ZNF782: variants seen among roughly 807,000 people sequenced by gnomAD.
The protein encoded by ZNF782 is zinc finger protein 782.
In ZNF782, 12 loss-of-function variants were observed where a neutral mutation model predicts 13.0. The ratio of observed to expected loss-of-function variants is 0.92; its 90% CI spans 0.59 to 1.50. ZNF782 has a LOEUF of 1.50. Ranked by LOEUF, ZNF782 falls within the 40% of genes most tolerant of loss-of-function variation. The pLI is 0.00. For missense variants in ZNF782, 770 were observed against 822.9 expected (o/e 0.94, Z 0.79); for synonymous variants, 284 against 283.0 (o/e 1.00, Z -0.04).
At chr9:96,911,510 G>GTTTTTTTTT in the ZNF782 span, among the ~76,000 whole-genome samples, 9 of 109,674 alleles carry the variant, frequency 8.2e-5, no homozygotes, top group East Asian at 2.6e-3. Context: ...TTTTTTTTTT[G>GTTTTTTTTT]TTTTTGTTTT....
chr9:96,888,893 G>C, the ZNF782 span: 1 of 152,316 alleles, frequency 6.6e-6, no homozygotes, highest in East Asian at 1.9e-4. Flanking sequence ...CCCACAACTG[G>C]GGAACACATA....
At chr9:96,873,091 T>A (rs78378033) in intron 1 of ZNF782, among the ~76,000 whole-genome samples, 2 of 150,960 alleles carry the variant, frequency 1.3e-5, no homozygotes, top group East Asian at 1.9e-4. Flanking sequence ...TTTTTTTTTT[T>A]AGAACTAAGA....
intron 2 of ZNF782, among the ~76,000 whole-genome samples, chr9:96,852,357 C>G (rs1395707474): frequency 6.6e-6 from 1 of 152,152 alleles, no homozygotes; most frequent in Non-Finnish European, 1.5e-5. Flanking sequence ...TAAAATTAAC[C>G]TAGCAGGTAC....
intron 5 of ZNF782, 99 bp from the exon 6 acceptor site, chr9:96,819,877 C>G: frequency 2.1e-6 from 2 of 967,646 alleles, no homozygotes; most frequent in Non-Finnish European, 1.4e-6. Flanking sequence ...TATTTGATTC[C>G]TTAGTTTCTG....
chr9:96,818,130 T>C lies in ZNF782; in HGVS notation c.1893A>G (p.Ser631=). The stretch of plus-strand genomic sequence containing the variant: ...GAGTTCGCTGATGTTTTCTTAGGAC[T>C]GACTTCTCACTGAAAGCTTTTCCAC... ...NECGKAFSEK[S]VLRKHQRTHT... The change falls in exon 6 of 6, where the codon TCA becomes TCG. Residue 631 remains serine (S), a synonymous_variant. Coordinates refer to ENST00000481138, the MANE Select transcript of ZNF782 (RefSeq NM_001001662.3). The C allele has an allele frequency of 1.2e-6, 2 of 1,614,086 alleles. No homozygotes were observed. The highest frequency in any genetic ancestry group is 2.2e-5 in the South Asian group (2 of 91,076).
At chr9:96,879,068 ATATTCATTC>A (rs1244623409), upstream of ZNF782, among the ~76,000 whole-genome samples, 2 of 152,266 alleles carry the variant, frequency 1.3e-5, no homozygotes, top group East Asian at 3.8e-4. Flanking sequence ...GTCCAAACAT[ATATTCATTC>A]AACAGACACT....
the ZNF782 span, among the ~76,000 whole-genome samples, chr9:96,917,836 G>C: frequency 6.6e-6 from 1 of 150,500 alleles, no homozygotes; most frequent in Non-Finnish European, 1.5e-5. Flanking sequence ...CAATCCTCCT[G>C]CCTCAGCTTC....
In ZNF782 at chr9:96,848,568, A is replaced by C. The variant is rs57364635; in HGVS notation, c.15+3379T>G. 0.021 allele frequency among the ~76,000 whole-genome samples: 3,138 copies of C among 152,268 alleles called. 179 individuals are homozygous for C. The East Asian group carries it at 0.24, about 11-fold the overall frequency. Reference sequence around the variant, plus strand: ...ACTCAATTTCTTTTACAACAGCTGCAAAAACAAAATAACACCACCACCACC... The same window carrying C: ...ACTCAATTTCTTTTACAACAGCTGCCAAAACAAAATAACACCACCACCACC... On this transcript the variant is annotated intron_variant, in intron 3 of 5. Coordinates refer to ENST00000481138, the MANE Select transcript of ZNF782 (RefSeq NM_001001662.3).
chr9:96,912,322 C>T, the ZNF782 span, among the ~76,000 whole-genome samples: 8 of 144,258 alleles, frequency 5.5e-5, no homozygotes, highest in East Asian at 2.0e-4. Flanking sequence ...GTCGGGAGTT[C>T]GAGACCAGCC....
At chr9:96,835,059 G>GA (rs1850944874) in intron 4 of ZNF782, among the ~76,000 whole-genome samples, 1 of 152,152 alleles carries the variant, frequency 6.6e-6, no homozygotes, top group Non-Finnish European at 1.5e-5. Context: ...TTAGGAACTG[G>GA]AAAAAAGGCC....
the ZNF782 span, among the ~76,000 whole-genome samples, chr9:96,922,588 C>T: frequency 8.5e-5 from 13 of 152,412 alleles, no homozygotes; most frequent in East Asian, 1.3e-3. Flanking sequence ...CTGGATAACA[C>T]GGTGAAACCT....
intron 1 of ZNF782, chr9:96,875,443 G>C: frequency 2.2e-6 from 1 of 456,600 alleles, no homozygotes; most frequent in Non-Finnish European, 4.4e-6. Flanking sequence ...CTCTTACCCG[G>C]TTCCCGCCCT....
At chr9:96,884,924 G>GA in the ZNF782 span, among the ~76,000 whole-genome samples, 19 of 151,060 alleles carry the variant, frequency 1.3e-4, no homozygotes, top group African/African-American at 3.2e-4. Flanking sequence ...ACAGAAATGA[G>GA]AAAAAAAATA....
intron 4 of ZNF782, among the ~76,000 whole-genome samples, chr9:96,835,067 G>A (rs377060553): frequency 6.6e-5 from 10 of 152,342 alleles, no homozygotes; most frequent in African/African-American, 2.4e-4. Flanking sequence ...TGGAAAAAAG[G>A]CCATCCTTTT....
chr9:96,885,371 CAATAG>C, the ZNF782 span, among the ~76,000 whole-genome samples: 4 of 151,914 alleles, frequency 2.6e-5, no homozygotes, highest in South Asian at 8.3e-4. Context: ...TGGATATGCT[CAATAG>C]TATAGTGGAC....
the ZNF782 span, among the ~76,000 whole-genome samples, chr9:96,926,820 G>GCTT: frequency 4.1e-3 from 624 of 152,290 alleles, 2 homozygotes; most frequent in African/African-American, 0.014. Context: ...AGGGGCAAAT[G>GCTT]CTTCTTAAGT....
chr9:96,916,671 G>A, the ZNF782 span, among the ~76,000 whole-genome samples: 3 of 152,004 alleles, frequency 2.0e-5, no homozygotes, highest in Admixed American at 1.3e-4. Context: ...AGATGCCTGC[G>A]GTGTGCAGCG....
chr9:96,902,190 T>G, the ZNF782 span, among the ~76,000 whole-genome samples: 1 of 151,870 alleles, frequency 6.6e-6, no homozygotes, highest in Non-Finnish European at 1.5e-5. Flanking sequence ...TCCCAGCACT[T>G]TGGGAGGCCG....
chr9:96,894,891 T>C, the ZNF782 span: 1 of 152,074 alleles, frequency 6.6e-6, no homozygotes, highest in South Asian at 2.1e-4. Flanking sequence ...ACCTGGCTAA[T>C]TTTAAAAATT....
Sources: gnomAD v4.1 joint callset for allele counts (sites outside exome capture counted in the v4.1 genomes callset) on GRCh38, gnomAD v4.1.1 for gene constraint, MANE v1.5 for transcripts, NCBI Gene and HGNC (gene_info 2026-07-23, HGNC 2026-07-21) for gene names.